Variants in ATP5MF observed in about 807,000 individuals in gnomAD.
ATP5MF encodes ATP synthase F(0) complex subunit f, mitochondrial.
Under a neutral mutation model 13.8 loss-of-function variants are expected in ATP5MF, and 10 were observed. That is an observed-to-expected ratio of 0.72 (90% CI 0.45 to 1.23). The LOEUF (loss-of-function observed/expected upper bound fraction) is 1.23. ATP5MF is among the 50% of genes most tolerant of loss of function. The pLI is 0.00. For missense variants in ATP5MF, 122 were observed against 118.2 expected, an observed-to-expected ratio of 1.03 and a Z score of -0.15; for synonymous variants, 40 against 45.8, an observed-to-expected ratio of 0.87 and a Z score of 0.51.
chr7:99,459,076 T>C, intron 3 of ATP5MF, 71 bp downstream of exon 3: 2 of 1,178,726 alleles, frequency 1.7e-6, no homozygotes. Flanking sequence ...GGTGGGCTGC[T>C]GTATCTAATG....
At position 99,459,608 on chromosome 7, in the gene ATP5MF, G is replaced by C. The variant is rs1472587789; in HGVS notation, c.140-345C>G. On this transcript the variant is annotated intron_variant, in intron 2 of 3. Transcript: ENST00000292475. ...TTGTGTGGTTTTTTTTATAGAGATG[G>C]GGTCTCTCCATATTGCCTAGGCTGG... is the stretch of plus-strand genomic sequence containing the variant. 4.6e-5 allele frequency: 13 copies of C among 281,828 alleles called. 1 individual carries two copies. The highest frequency in any genetic ancestry group is 9.8e-5 in the Admixed American group (2 of 20,352). The allele number at this position is 281,828 out of a possible 1,614,324, so 17.5% of individuals were successfully genotyped here.
rs1242651763 is a variant in ATP5MF at position 99,463,525 on chromosome 7, C to G, written c.31+2586G>C. 3.9e-5 allele frequency among the ~76,000 whole-genome samples: 6 copies of G among 152,152 alleles called. No homozygotes were observed. In the East Asian group the frequency reaches 9.6e-4, roughly 24 times the overall value. ...CTGTACAGTGGCTCACGTCTGTAAT[C>G]CCAGCACTCTGGGAGGCCAAGGCAG... On this transcript the variant is annotated intron_variant, in intron 1 of 3. Transcript: ENST00000292475.
intron 1 of ATP5MF, among the ~76,000 whole-genome samples, chr7:99,461,948 G>A (rs1447367829): frequency 3.3e-5 from 5 of 149,830 alleles, no homozygotes; most frequent in Non-Finnish European, 7.4e-5. Context: ...ATGAGCCACC[G>A]CACCAGGCCA....
intron 1 of ATP5MF, among the ~76,000 whole-genome samples, chr7:99,464,620 G>A (rs1243513738): frequency 2.0e-5 from 3 of 151,690 alleles, no homozygotes; most frequent in African/African-American, 4.8e-5. Context: ...CTGAGATCGC[G>A]CCACTGCACT....
chr7:99,460,376 T>C, intron 1 of ATP5MF, 183 bp from the exon 2 acceptor site: 1 of 753,120 alleles, frequency 1.3e-6, no homozygotes, highest in Non-Finnish European at 2.3e-6. Flanking sequence ...AGACTGAGTC[T>C]ATACAATAGC....
intron 1 of ATP5MF, among the ~76,000 whole-genome samples, chr7:99,465,748 T>TG (rs1798843751): frequency 6.6e-6 from 1 of 152,084 alleles, no homozygotes; most frequent in African/African-American, 2.4e-5. Context: ...GCTTAAGCCT[T>TG]GGGAAAAAAG....
chr7:99,462,288 TAAAAAAAAAAAAAA>T (rs755455949), intron 1 of ATP5MF, among the ~76,000 whole-genome samples: 2 of 30,900 alleles, frequency 6.5e-5, no homozygotes, highest in African/African-American at 2.6e-4. Flanking sequence ...CCATCACTAC[TAAAAAAAAAAAAAA>T]AAAAAAAAAA....
rs761746638 is a variant in ATP5MF, at chr7:99,459,183, C to G, written c.220G>C (p.Val74Leu). 1.9e-6 allele frequency: 3 copies of G among 1,614,102 alleles called. No homozygotes were observed. The highest frequency in any genetic ancestry group is 2.2e-5 in the South Asian group (2 of 91,076). The change falls in exon 3 of 4, where the codon GTG becomes CTG. Residue 74 changes from valine (V) to leucine (L), a missense_variant. Transcript: ENST00000292475. The part of the protein sequence containing the change: ...SGITMVLACY[V>L]LFSYSFSYKH... Reference sequence around the variant, plus strand: ...TAGGAAAAGGAGTAGCTAAAGAGCACGTAGCATGCCAGCACCATGGTAATC... The same window carrying G: ...TAGGAAAAGGAGTAGCTAAAGAGCAGGTAGCATGCCAGCACCATGGTAATC...
chr7:99,460,354 C>A, intron 1 of ATP5MF, 161 bp from the exon 2 acceptor site: 2 of 826,484 alleles, frequency 2.4e-6, no homozygotes, highest in Non-Finnish European at 2.0e-6. Context: ...TCACATCAAG[C>A]CCACTATTTT....
At position 99,459,220 on chromosome 7, in the gene ATP5MF, C is replaced by A; in HGVS notation, c.183G>T (p.Gly61=). 1 of 1,614,152 alleles carries A rather than the reference C, an allele frequency of 6.2e-7. No homozygotes were observed. Among genetic ancestry groups the A allele is most frequent in the Non-Finnish European group, 8.5e-7 (1 of 1,180,022 alleles). ...YYNKYINVKK[G]SISGITMVLA... is the part of the protein sequence containing the mutation. ...GCACCATGGTAATCCCCGAGATGCTCCCCTTCTTCACATTGATGTACTTGT... is the reference window on the plus strand; with the variant it reads ...GCACCATGGTAATCCCCGAGATGCTACCCTTCTTCACATTGATGTACTTGT... Residue 61 remains glycine (G), a synonymous_variant, in exon 3 of 4, where the codon GGG becomes GGT. Transcript: ENST00000292475.
intron 1 of ATP5MF, chr7:99,460,488 C>T (rs751948822): frequency 3.0e-5 from 19 of 630,188 alleles, no homozygotes; most frequent in African/African-American, 5.4e-5. Context: ...AGTAACGTGG[C>T]GGACAGGAAA....
At chr7:99,464,759 G>C (rs560752305) in intron 1 of ATP5MF, among the ~76,000 whole-genome samples, 1 of 151,828 alleles carries the variant, frequency 6.6e-6, no homozygotes, top group Non-Finnish European at 1.5e-5. Flanking sequence ...TCAAGAGTTT[G>C]AGACCAGCCT....
At chr7:99,461,799 A>G (rs957474279) in intron 1 of ATP5MF, among the ~76,000 whole-genome samples, 4 of 151,806 alleles carry the variant, frequency 2.6e-5, no homozygotes, top group African/African-American at 4.8e-5. Flanking sequence ...CTGGGACTAC[A>G]GGCATGCGCC....
At chr7:99,459,664 T>C (rs1204835720) in intron 2 of ATP5MF, 1 of 245,302 alleles carries the variant, frequency 4.1e-6, no homozygotes, top group East Asian at 1.1e-4. Context: ...TCCTCCAGCC[T>C]TGGCCTCCCG....
intron 1 of ATP5MF, among the ~76,000 whole-genome samples, chr7:99,462,416 T>TGAGATTGTGCC (rs1798657520): frequency 7.2e-6 from 1 of 139,260 alleles, no homozygotes; most frequent in Non-Finnish European, 1.5e-5. Context: ...TGCAGTGAGC[T>TGAGATTGTGCC]GAGATTGTGC....
intron 1 of ATP5MF, 27 bp from the exon 2 acceptor site, chr7:99,460,220 C>T (rs1798537973): frequency 6.2e-7 from 1 of 1,611,718 alleles, no homozygotes; most frequent in Admixed American, 1.7e-5. Context: ...AGAAAAAATA[C>T]CCACTGAATA....
intron 1 of ATP5MF, among the ~76,000 whole-genome samples, chr7:99,464,160 A>G (rs1031057126): frequency 5.3e-5 from 8 of 152,256 alleles, no homozygotes; most frequent in Non-Finnish European, 1.0e-4. Context: ...TGTCTTTCAC[A>G]TGCTAAATCG....
chr7:99,459,835 T>A, intron 2 of ATP5MF: 1 of 477,924 alleles, frequency 2.1e-6, no homozygotes, highest in South Asian at 2.8e-5. Flanking sequence ...AGGATTTCTC[T>A]AAGACAGAGG....
chr7:99,461,201 A>G (rs1798586590), intron 1 of ATP5MF, among the ~76,000 whole-genome samples: 1 of 152,058 alleles, frequency 6.6e-6, no homozygotes, highest in Admixed American at 6.5e-5. Flanking sequence ...AGATTTATTT[A>G]TTTATTTCTG....
Sources: gnomAD v4.1 joint callset for allele counts (sites outside exome capture counted in the v4.1 genomes callset) on GRCh38, gnomAD v4.1.1 for gene constraint, MANE v1.5 for transcripts, NCBI Gene and HGNC (gene_info 2026-07-23, HGNC 2026-07-21) for gene names.